CSMD1: variants seen among roughly 807,000 people sequenced by gnomAD.
CSMD1 encodes CUB and Sushi multiple domains 1.
In CSMD1, 213 loss-of-function variants were observed where a neutral mutation model predicts 417.5. The ratio of observed to expected loss-of-function variants is 0.51; its 90% CI spans 0.46 to 0.57. CSMD1 has a LOEUF of 0.57. CSMD1 is among the 20% of genes least tolerant of loss of function. CSMD1 has a pLI of 0.00. For synonymous variants in CSMD1, 2,862 were observed against 1,736.8 expected, an observed-to-expected ratio of 1.65 and a Z score of -16.11; for missense variants, 6,923 against 4,529.7, an observed-to-expected ratio of 1.53 and a Z score of -15.17.
intron 10 of CSMD1, among the ~76,000 whole-genome samples, chr8:3,564,273 A>T (rs1018287311): frequency 6.6e-6 from 1 of 152,132 alleles, no homozygotes; most frequent in Admixed American, 6.6e-5. Context: ...AACTTTTATT[A>T]AGAAAAAAAA....
intron 30 of CSMD1, among the ~76,000 whole-genome samples, chr8:3,208,387 C>T (rs573303633): frequency 6.6e-6 from 1 of 152,262 alleles, no homozygotes; most frequent in South Asian, 2.1e-4. Context: ...CTGCCTCAAC[C>T]TCCCGAGCAG....
At chr8:4,068,093 AG>A (rs752481576) in intron 3 of CSMD1, among the ~76,000 whole-genome samples, 7 of 152,052 alleles carry the variant, frequency 4.6e-5, no homozygotes, top group Non-Finnish European at 5.9e-5. Context: ...AAAGAAAAAA[AG>A]AAAAAAAGGG....
intron 11 of CSMD1, among the ~76,000 whole-genome samples, chr8:3,491,717 A>G (rs932290425): frequency 3.9e-5 from 6 of 152,204 alleles, no homozygotes; most frequent in African/African-American, 1.2e-4. Flanking sequence ...CTCATAAGTA[A>G]TCAATAAATA....
rs1563223874 is a variant in CSMD1 at position 4,486,186 on chromosome 8, T to TATATATACATAC, written c.303-66122_303-66121insGTATGTATATAT. ...ACATATATATATATACATACATATA[T>TATATATACATAC]ATATATATATATACATACATATATA... is the stretch of plus-strand genomic sequence containing the variant. On this transcript the variant is annotated intron_variant, in intron 2 of 69. Transcript: ENST00000635120. Among the ~76,000 whole-genome samples, 9 of 10,510 alleles carry TATATATACATAC rather than the reference T, an allele frequency of 8.6e-4. No homozygotes were observed. In the South Asian group the frequency reaches 0.029, roughly 34 times the overall value. The allele number at this position is 10,510 out of a possible 152,430, so 6.9% of individuals were successfully genotyped here.
At chr8:3,029,569 C>T (rs1015676408) in intron 50 of CSMD1, 56 bp from the exon 51 acceptor site, 267 of 1,470,056 alleles carry the variant, frequency 1.8e-4, no homozygotes, top group Non-Finnish European at 2.4e-4. Flanking sequence ...AACATCAGAC[C>T]GTGCTTGCTT....
chr8:3,205,051 G>A (rs183222278), intron 31 of CSMD1, among the ~76,000 whole-genome samples: 195 of 152,268 alleles, frequency 1.3e-3, no homozygotes, highest in African/African-American at 4.0e-3. Flanking sequence ...CTGCTTCTCC[G>A]TCCCTCAGCA....
At chr8:4,921,668 G>C (rs1019446931) in intron 1 of CSMD1, among the ~76,000 whole-genome samples, 4 of 152,000 alleles carry the variant, frequency 2.6e-5, no homozygotes, top group Admixed American at 6.6e-5. Flanking sequence ...GAAGTGATGG[G>C]TGTGTGTGTG....
chr8:3,815,054 T>C (rs76151596), intron 5 of CSMD1, among the ~76,000 whole-genome samples: 2,565 of 152,300 alleles, frequency 0.017, 58 homozygotes, highest in African/African-American at 0.059. Flanking sequence ...ATGAAGATGT[T>C]TGGGAAAAAG....
intron 5 of CSMD1, among the ~76,000 whole-genome samples, chr8:3,782,764 G>A (rs1169446275): frequency 6.6e-6 from 1 of 152,180 alleles, no homozygotes; most frequent in Non-Finnish European, 1.5e-5. Context: ...TATGAATAGA[G>A]ATCTAAATAA....
chr8:3,753,541 A>T (rs959803299), intron 6 of CSMD1, among the ~76,000 whole-genome samples: 3 of 152,226 alleles, frequency 2.0e-5, no homozygotes, highest in Non-Finnish European at 4.4e-5. Flanking sequence ...TAAAAGTGAT[A>T]TTACAATACT....
At chr8:4,020,651 A>G (rs1796743524) in intron 4 of CSMD1, among the ~76,000 whole-genome samples, 1 of 152,150 alleles carries the variant, frequency 6.6e-6, no homozygotes, top group South Asian at 2.1e-4. Context: ...ATTTTTTCTT[A>G]CTTATTCCAG....
chr8:3,512,291 G>C (rs559539232), intron 10 of CSMD1, among the ~76,000 whole-genome samples: 1 of 152,216 alleles, frequency 6.6e-6, no homozygotes, highest in South Asian at 2.1e-4. Context: ...TCTTGAAGAT[G>C]CAGTGCTGAG....
chr8:3,677,027 G>A (rs1799411205), intron 7 of CSMD1, among the ~76,000 whole-genome samples: 1 of 152,020 alleles, frequency 6.6e-6, no homozygotes, highest in African/African-American at 2.4e-5. Flanking sequence ...AGGGGAGGGA[G>A]AGCATTAGAA....
At chr8:4,409,793 A>T (rs1796548413) in intron 3 of CSMD1, among the ~76,000 whole-genome samples, 1 of 152,068 alleles carries the variant, frequency 6.6e-6, no homozygotes, top group African/African-American at 2.4e-5. Flanking sequence ...CATAATTTGG[A>T]AGAAATAACA....
chr8:4,065,123 T>C (rs1294291879), intron 3 of CSMD1, among the ~76,000 whole-genome samples: 1 of 152,240 alleles, frequency 6.6e-6, no homozygotes, highest in African/African-American at 2.4e-5. Context: ...CTAGTTTATG[T>C]TTTTAGAGTT....
chr8:4,221,764 A>T (rs1801047024), intron 3 of CSMD1, among the ~76,000 whole-genome samples: 1 of 152,186 alleles, frequency 6.6e-6, no homozygotes, highest in Non-Finnish European at 1.5e-5. Flanking sequence ...CTACATTGAG[A>T]TTAAAAGAAA....
At chr8:3,236,002 C>A (rs1248250527) in intron 26 of CSMD1, among the ~76,000 whole-genome samples, 1 of 148,154 alleles carries the variant, frequency 6.7e-6, no homozygotes, top group East Asian at 2.0e-4. Flanking sequence ...ACTGCAAGCT[C>A]CGCCTTCCGG....
chr8:3,828,045 T>C (rs558406555), intron 5 of CSMD1, among the ~76,000 whole-genome samples: 1 of 152,202 alleles, frequency 6.6e-6, no homozygotes, highest in African/African-American at 2.4e-5. Flanking sequence ...TGTGATATAC[T>C]CCACTTCAAT....
At chr8:3,764,390 A>G (rs1040462318) in intron 5 of CSMD1, among the ~76,000 whole-genome samples, 5 of 152,164 alleles carry the variant, frequency 3.3e-5, no homozygotes, top group Admixed American at 1.3e-4. Context: ...GAAATACCAC[A>G]AACATAATCA....
Sources: allele counts gnomAD v4.1 joint callset (sites outside exome capture counted in the v4.1 genomes callset), GRCh38; gene constraint gnomAD v4.1.1; transcripts MANE v1.5; gene names NCBI Gene and HGNC (gene_info 2026-07-23, HGNC 2026-07-21).